ANKAR: variants seen among roughly 807,000 people sequenced by gnomAD.
The protein encoded by ANKAR is ankyrin and armadillo repeat containing.
ANKAR carries 136 observed loss-of-function variants against 146.2 expected under a neutral mutation model. That is an observed-to-expected ratio of 0.93 (90% confidence interval 0.81 to 1.07). The LOEUF (loss-of-function observed/expected upper bound fraction) is 1.07. Among genes scored for constraint, ANKAR ranks in the 50% least tolerant of loss-of-function variants. The pLI is 0.00. For missense variants in ANKAR, 1,567 were observed against 1,679.9 expected (o/e 0.93, Z 1.18); for synonymous variants, 500 against 575.8 (o/e 0.87, Z 1.88).
In ANKAR at chr2:189,692,392, A is replaced by G. The variant is rs1301313363; in HGVS notation, c.1177A>G (p.Ile393Val). The G allele has an allele frequency of 3.7e-6, 6 of 1,611,962 alleles. No homozygotes were observed. Among genetic ancestry groups the G allele is most frequent in the Non-Finnish European group, 5.1e-6 (6 of 1,179,450 alleles). Residue 393 changes from isoleucine to valine, a missense_variant, in exon 4 of 23, where the codon ATT becomes GTT. Coordinates refer to ENST00000684021, the MANE Select transcript of ANKAR (RefSeq NM_001378068.1). ...GIEFDISTPSIENALEDFQKN... is the reference protein window; with the variant it reads ...GIEFDISTPSVENALEDFQKN... ...TGAATTTGATATCAGCACCCCTTCAATTGAGAATGCCTTGGAAGATTTTCA... is the reference window on the plus strand; with the variant it reads ...TGAATTTGATATCAGCACCCCTTCAGTTGAGAATGCCTTGGAAGATTTTCA...
chr2:189,720,583 A>G (rs775272597), intron 11 of ANKAR, 36 bp from the exon 12 acceptor site: 1 of 1,281,442 alleles, frequency 7.8e-7, no homozygotes, highest in Non-Finnish European at 1.0e-6. Context: ...TTTATCTTAA[A>G]CAAATTCAAA....
chr2:189,716,925 A>C (rs1334258709), intron 10 of ANKAR, among the ~76,000 whole-genome samples: 1 of 152,156 alleles, frequency 6.6e-6, no homozygotes, highest in African/African-American at 2.4e-5. Context: ...CTTATACCTT[A>C]TATAAAAATT....
intron 2 of ANKAR, among the ~76,000 whole-genome samples, chr2:189,680,650 C>T (rs974889710): frequency 4.6e-5 from 7 of 151,894 alleles, no homozygotes; most frequent in African/African-American, 1.7e-4. Flanking sequence ...TCGTTTGGTT[C>T]AAAGATTTTT....
At position 189,728,715 on chromosome 2, in the gene ANKAR, A is replaced by G. The variant is rs953314810; in HGVS notation, c.3087A>G (p.Ile1029Met). The change falls in exon 15 of 23, where the codon ATA becomes ATG. Residue 1029 changes from isoleucine (I) to methionine (M), a missense_variant. Physicochemically the swap from Ile to Met is conservative, Grantham distance 10. Coordinates refer to ENST00000684021, the MANE Select transcript of ANKAR (RefSeq NM_001378068.1). ...ACAGCAGGATGCATCAAAATCAAAT[A>G]TGTGAAGGGAATGGAATTGCACCAT... ...SKDSRMHQNQ[I>M]CEGNGIAPLV... 2.5e-6 allele frequency: 4 copies of G among 1,613,950 alleles called. No homozygotes were observed. In the African/African-American group the frequency reaches 4.0e-5, roughly 16 times the overall value.
chr2:189,708,200 G>A (rs1043161499), intron 9 of ANKAR, among the ~76,000 whole-genome samples: 1 of 152,194 alleles, frequency 6.6e-6, no homozygotes, highest in Non-Finnish European at 1.5e-5. Context: ...ATGAAATACA[G>A]CAGTCTTCCC....
At chr2:189,717,520 A>G (rs1207231358) in intron 10 of ANKAR, among the ~76,000 whole-genome samples, 1 of 152,204 alleles carries the variant, frequency 6.6e-6, no homozygotes, top group Non-Finnish European at 1.5e-5. Context: ...ATTGTGGAAG[A>G]CAGTGTGGCG....
downstream of ANKAR, chr2:189,762,878 C>G: frequency 3.0e-6 from 3 of 985,422 alleles, no homozygotes; most frequent in Non-Finnish European, 3.6e-6. Context: ...AGCTTAAAGG[C>G]CGTCTTTGCC....
chr2:189,704,544 C>CATACATATATAT (rs2038575031), intron 7 of ANKAR, among the ~76,000 whole-genome samples: 1 of 36,456 alleles, frequency 2.7e-5, no homozygotes, highest in African/African-American at 8.4e-5. Flanking sequence ...CCTTTGTTAA[C>CATACATATATAT]ATATATATAT....
intron 12 of ANKAR, among the ~76,000 whole-genome samples, chr2:189,726,953 C>G (rs1486239671): frequency 6.6e-6 from 1 of 152,060 alleles, no homozygotes; most frequent in Non-Finnish European, 1.5e-5. Flanking sequence ...AATTCTCTGA[C>G]TTATTCTTAC....
chr2:189,713,405 C>T (rs1463240689), intron 10 of ANKAR, among the ~76,000 whole-genome samples: 2 of 152,198 alleles, frequency 1.3e-5, no homozygotes, highest in South Asian at 2.1e-4. Flanking sequence ...GCTTATCAGA[C>T]TAACAGTGGA....
At chr2:189,749,905 T>C (rs1407987150), downstream of ANKAR, among the ~76,000 whole-genome samples, 1 of 152,138 alleles carries the variant, frequency 6.6e-6, no homozygotes, top group Non-Finnish European at 1.5e-5. Context: ...GCAGATTGCC[T>C]GAGCTCAGGA....
At position 189,733,179 on chromosome 2, in the gene ANKAR, G is replaced by A. The variant is rs1180402517; in HGVS notation, c.3373G>A (p.Glu1125Lys). Residue 1125 changes from glutamate (E) to lysine (K), a missense_variant, in exon 17 of 23, where the codon GAA (glutamate) becomes AAA (lysine). Coordinates refer to ENST00000684021, the MANE Select transcript of ANKAR (RefSeq NM_001378068.1). ...DVLQKDLHENEGFEYADVLYL... is the reference protein window; with the variant it reads ...DVLQKDLHENKGFEYADVLYL... The stretch of plus-strand genomic sequence containing the variant: ...GTTACAGAAAGACTTACATGAAAAT[G>A]AAGGATTTGAATATGCTGATGTCCT... The A allele has an allele frequency of 1.9e-6, 3 of 1,612,208 alleles. No homozygotes were observed. The African/African-American group carries it at 4.0e-5, about 22-fold the overall frequency.
chr2:189,685,754 G>A (rs2035493261), intron 2 of ANKAR, among the ~76,000 whole-genome samples: 1 of 152,136 alleles, frequency 6.6e-6, no homozygotes, highest in Admixed American at 6.5e-5. Context: ...TGTGAGTCAG[G>A]GGCCAAAGGA....
intron 2 of ANKAR, among the ~76,000 whole-genome samples, chr2:189,680,860 A>G (rs190218583): frequency 5.9e-5 from 9 of 152,236 alleles, no homozygotes; most frequent in East Asian, 3.9e-4. Flanking sequence ...CATATGATCT[A>G]TCTTGGAGAA....
intron 18 of ANKAR, chr2:189,752,765 T>C: frequency 6.2e-7 from 1 of 1,613,480 alleles, no homozygotes; most frequent in South Asian, 1.1e-5. Flanking sequence ...AGCTCCAAGA[T>C]CTGAAGGAAG....
chr2:189,749,907 A>C (rs1225077), downstream of ANKAR, among the ~76,000 whole-genome samples: 149,262 of 152,092 alleles, frequency 0.98, 73,302 homozygotes, highest in East Asian at 1. Flanking sequence ...AGATTGCCTG[A>C]GCTCAGGAGT....
At chr2:189,685,790 T>C (rs2035500609) in intron 2 of ANKAR, among the ~76,000 whole-genome samples, 1 of 152,140 alleles carries the variant, frequency 6.6e-6, no homozygotes, top group Non-Finnish European at 1.5e-5. Flanking sequence ...TGTGGATATC[T>C]TGGTTCAGCA....
intron 7 of ANKAR, 65 bp from the exon 8 acceptor site, chr2:189,704,958 G>A: frequency 6.9e-7 from 1 of 1,456,676 alleles, no homozygotes; most frequent in Non-Finnish European, 9.6e-7. Context: ...TATCAATAAG[G>A]CATTTAGGTT....
intron 3 of ANKAR, among the ~76,000 whole-genome samples, chr2:189,690,169 G>A (rs1053685751): frequency 6.6e-6 from 1 of 152,092 alleles, no homozygotes; most frequent in East Asian, 1.9e-4. Context: ...CCAATTATAA[G>A]GGCTACTGAA....
Sources: gnomAD v4.1 joint callset for allele counts (sites outside exome capture counted in the v4.1 genomes callset) on GRCh38, gnomAD v4.1.1 for gene constraint, MANE v1.5 for transcripts, NCBI Gene and HGNC (gene_info 2026-07-23, HGNC 2026-07-21) for gene names.